ADGRB3: variants seen among roughly 807,000 people sequenced by gnomAD.
ADGRB3 encodes brain-specific angiogenesis inhibitor 3.
A neutral mutation model predicts 193.4 loss-of-function variants in ADGRB3; 37 were observed. That is an observed-to-expected ratio of 0.19 (90% confidence interval 0.15 to 0.25). The LOEUF is 0.25. Ranked by LOEUF, ADGRB3 falls within the 10% of genes least tolerant of loss-of-function variation. The probability of loss-of-function intolerance (pLI) is 1.00; values close to 1 mark genes in which losing one functional copy is unlikely to be tolerated. For missense variants in ADGRB3, 1,637 were observed against 1,852.9 expected (o/e 0.88, Z 2.14); for synonymous variants, 690 against 644.2 (o/e 1.07, Z -1.08).
In ADGRB3 at chr6:69,171,661, T is replaced by C. The variant is rs149648776; in HGVS notation, c.2481-61629T>C. 2.1e-3 allele frequency among the ~76,000 whole-genome samples: 323 copies of C among 152,296 alleles called. 4 individuals are homozygous for C. Among genetic ancestry groups the C allele is most frequent in the African/African-American group, 7.6e-3 (317 of 41,562 alleles). On this transcript the variant is annotated intron_variant, in intron 17 of 31. Transcript: ENST00000370598. ...TCCCTATTTAGGAAACAACCTGAGG[T>C]GACTCAACCTCATTCCCTGTCTTCC...
At chr6:68,820,193 C>A (rs1379334925) in intron 3 of ADGRB3, among the ~76,000 whole-genome samples, 1 of 151,960 alleles carries the variant, frequency 6.6e-6, no homozygotes, top group African/African-American at 2.4e-5. Context: ...TATCTCACTG[C>A]ACTTGCTCAT....
chr6:69,156,151 A>G lies in ADGRB3; in HGVS notation c.2481-77139A>G, dbSNP rs376661767. On this transcript the variant is annotated intron_variant, in intron 17 of 31. Coordinates refer to ENST00000370598, the MANE Select transcript of ADGRB3 (RefSeq NM_001704.3). Reference sequence around the variant, plus strand: ...AGAAACTTTTTTTCAATAAAATGTCACTATTCCATATGTTGGCCCTGTAAT... The same window carrying G: ...AGAAACTTTTTTTCAATAAAATGTCGCTATTCCATATGTTGGCCCTGTAAT... Among the ~76,000 whole-genome samples, 363 of 152,346 alleles carry G rather than the reference A, an allele frequency of 2.4e-3. 4 individuals carry two copies. Among genetic ancestry groups the G allele is most frequent in the African/African-American group, 8.3e-3 (346 of 41,584 alleles).
At chr6:68,820,195 C>G (rs1767723243) in intron 3 of ADGRB3, among the ~76,000 whole-genome samples, 1 of 151,976 alleles carries the variant, frequency 6.6e-6, no homozygotes, top group East Asian at 1.9e-4. Flanking sequence ...TCTCACTGCA[C>G]TTGCTCATGT....
At chr6:68,985,308 C>G (rs186920561) in intron 10 of ADGRB3, among the ~76,000 whole-genome samples, 3 of 152,116 alleles carry the variant, frequency 2.0e-5, no homozygotes, top group Non-Finnish European at 4.4e-5. Flanking sequence ...GAAAAGTGCT[C>G]TTTGTGATTC....
At chr6:69,277,183 C>T (rs1029066158) in intron 20 of ADGRB3, among the ~76,000 whole-genome samples, 18 of 151,886 alleles carry the variant, frequency 1.2e-4, no homozygotes, top group African/African-American at 3.6e-4. Flanking sequence ...TTAGTACAGA[C>T]GGAGTTTCAA....
chr6:69,335,459 G>C (rs1444965122), intron 24 of ADGRB3, among the ~76,000 whole-genome samples: 1 of 152,080 alleles, frequency 6.6e-6, no homozygotes, highest in East Asian at 1.9e-4. Context: ...GTTGGCTACT[G>C]TCCAAAGCAG....
chr6:69,079,807 G>T (rs1216048127), intron 17 of ADGRB3, among the ~76,000 whole-genome samples: 1 of 151,978 alleles, frequency 6.6e-6, no homozygotes, highest in East Asian at 1.9e-4. Context: ...TACAGATCTT[G>T]TAACCATCCA....
intron 8 of ADGRB3, among the ~76,000 whole-genome samples, chr6:68,959,644 C>T (rs1768177987): frequency 6.6e-6 from 1 of 151,780 alleles, no homozygotes; most frequent in Non-Finnish European, 1.5e-5. Flanking sequence ...AACTATTTTC[C>T]CCTCAAGATT....
intron 13 of ADGRB3, among the ~76,000 whole-genome samples, chr6:69,046,083 A>G (rs1011220886): frequency 6.6e-6 from 1 of 152,198 alleles, no homozygotes; most frequent in African/African-American, 2.4e-5. Flanking sequence ...TATGGTTCAT[A>G]CAGAATATCA....
chr6:69,166,600 G>C (rs1411358862), intron 17 of ADGRB3, among the ~76,000 whole-genome samples: 1 of 152,106 alleles, frequency 6.6e-6, no homozygotes, highest in Non-Finnish European at 1.5e-5. Context: ...GGAACACACA[G>C]AATTGGAGCT....
At chr6:68,724,221 T>G (rs1174522043) in intron 3 of ADGRB3, among the ~76,000 whole-genome samples, 1 of 151,678 alleles carries the variant, frequency 6.6e-6, no homozygotes, top group Admixed American at 6.6e-5. Flanking sequence ...TCCAGGGTCA[T>G]GTAGAGGTCA....
intron 17 of ADGRB3, among the ~76,000 whole-genome samples, chr6:69,207,149 T>A (rs1414224926): frequency 6.6e-6 from 1 of 152,160 alleles, no homozygotes; most frequent in East Asian, 1.9e-4. Flanking sequence ...TCCAGTCTAA[T>A]GGAATTGTTG....
chr6:68,844,550 T>C (rs538960282), intron 3 of ADGRB3, among the ~76,000 whole-genome samples: 63 of 152,274 alleles, frequency 4.1e-4, no homozygotes, highest in African/African-American at 1.4e-3. Flanking sequence ...GGTGGGAATG[T>C]AAAGTAGTAT....
Position 69,388,924 on chromosome 6 carries a change from C to A in ADGRB3, c.*33C>A. The stretch of plus-strand genomic sequence containing the variant: ...AAAATGGACTAAGGTAGAGACAAAA[C>A]TTTATTGCACTGACACTTAAGACTT... On this transcript the variant is annotated 3_prime_UTR_variant, in exon 32 of 32. Transcript: ENST00000370598. 1 of 1,580,448 alleles carries A rather than the reference C, an allele frequency of 6.3e-7. No homozygotes were observed. The highest frequency in any genetic ancestry group is 8.6e-7 in the Non-Finnish European group (1 of 1,161,348).
rs1272539947 is a variant in ADGRB3, at chr6:68,990,346, G to C, written c.1735-3422G>C. On this transcript the variant is annotated intron_variant, in intron 10 of 31. Coordinates refer to ENST00000370598, the MANE Select transcript of ADGRB3 (RefSeq NM_001704.3). ...AAACATTCTTTATACCCTGTATAAA[G>C]ACAACGAATAGTCTCACCAGTGTGT... Among the ~76,000 whole-genome samples, 4 of 152,106 alleles carry C rather than the reference G, an allele frequency of 2.6e-5. No homozygotes were observed. In the East Asian group the frequency reaches 7.7e-4, roughly 29 times the overall value.
At chr6:69,241,401 GGA>G (rs1766382372) in intron 20 of ADGRB3, among the ~76,000 whole-genome samples, 2 of 151,694 alleles carry the variant, frequency 1.3e-5, no homozygotes, top group African/African-American at 4.8e-5. Flanking sequence ...TTAAGAATCT[GGA>G]GTATATTTTA....
At chr6:68,657,165 G>C (rs2127284620) in intron 3 of ADGRB3, among the ~76,000 whole-genome samples, 1 of 151,430 alleles carries the variant, frequency 6.6e-6, no homozygotes, top group African/African-American at 2.4e-5. Context: ...TTCTGTCCTT[G>C]TGTTTCCTGG....
chr6:69,223,505 A>G (rs890210968), intron 17 of ADGRB3, among the ~76,000 whole-genome samples: 3 of 152,136 alleles, frequency 2.0e-5, no homozygotes, highest in African/African-American at 7.2e-5. Context: ...ATCCCATGCC[A>G]AAAGCATGAC....
At chr6:69,305,488 C>T (rs1216550912) in intron 20 of ADGRB3, among the ~76,000 whole-genome samples, 1 of 151,476 alleles carries the variant, frequency 6.6e-6, no homozygotes, top group African/African-American at 2.4e-5. Context: ...ATAATCCTGA[C>T]TTACTTTGAA....
Sources: allele counts gnomAD v4.1 joint callset (sites outside exome capture counted in the v4.1 genomes callset), GRCh38; gene constraint gnomAD v4.1.1; transcripts MANE v1.5; gene names NCBI Gene and HGNC (gene_info 2026-07-23, HGNC 2026-07-21).